Variants in ATP6V1C2 observed in about 807,000 individuals in gnomAD.
The protein encoded by ATP6V1C2 is V-type proton ATPase subunit C 2.
ATP6V1C2 carries 45 observed loss-of-function variants against 56.8 expected under a neutral mutation model. The observed-to-expected ratio is 0.79, with a 90% confidence interval of 0.62 to 1.02. ATP6V1C2 has a LOEUF of 1.02. ATP6V1C2 is among the 50% of genes least tolerant of loss of function. The pLI is 0.00. For missense variants in ATP6V1C2, 463 were observed against 519.7 expected, an observed-to-expected ratio of 0.89 and a Z score of 1.06; for synonymous variants, 220 against 201.3, an observed-to-expected ratio of 1.09 and a Z score of -0.79.
At chr2:10,753,906 C>A in intron 3 of ATP6V1C2, 75 bp from the exon 4 acceptor site, 1 of 1,358,698 alleles carries the variant, frequency 7.4e-7, no homozygotes, top group Non-Finnish European at 1.0e-6. Context: ...AGCTACTTTT[C>A]CTGCCAGCAG....
chr2:10,758,346 CTCTCT>C, intron 4 of ATP6V1C2, among the ~76,000 whole-genome samples: 1 of 152,282 alleles, frequency 6.6e-6, no homozygotes, highest in Non-Finnish European at 1.5e-5. Context: ...CAGCAGTGGC[CTCTCT>C]TCTCAGGAGA....
chr2:10,764,241 C>A, intron 4 of ATP6V1C2, 90 bp from the exon 5 acceptor site: 2 of 1,185,608 alleles, frequency 1.7e-6, no homozygotes, highest in Non-Finnish European at 2.5e-6. Context: ...GCCTTCGTGT[C>A]CACGCTGATG....
chr2:10,766,490 A>G (rs543523397), intron 5 of ATP6V1C2, among the ~76,000 whole-genome samples: 1 of 152,356 alleles, frequency 6.6e-6, no homozygotes, highest in African/African-American at 2.4e-5. Context: ...CCTAGTTCCT[A>G]TCACTGCTTT....
chr2:10,728,185 G>C (rs1332660002), intron 3 of ATP6V1C2, among the ~76,000 whole-genome samples: 1 of 152,074 alleles, frequency 6.6e-6, no homozygotes, highest in Admixed American at 6.6e-5. Context: ...GGGCTCAAGC[G>C]ATCCTCCTAC....
At chr2:10,738,042 G>A (rs1030492121) in intron 3 of ATP6V1C2, among the ~76,000 whole-genome samples, 14 of 152,218 alleles carry the variant, frequency 9.2e-5, no homozygotes, top group African/African-American at 2.6e-4. Flanking sequence ...CCTCTCTAGC[G>A]CTTCTGTGTG....
At chr2:10,782,119 T>C in intron 12 of ATP6V1C2, 124 bp from the exon 13 acceptor site, 1 of 1,203,992 alleles carries the variant, frequency 8.3e-7, no homozygotes, top group East Asian at 2.4e-5. Flanking sequence ...TGCTCGAGTT[T>C]GACTTTATGA....
intron 3 of ATP6V1C2, among the ~76,000 whole-genome samples, chr2:10,740,318 A>C (rs1374298686): frequency 6.6e-6 from 1 of 152,046 alleles, no homozygotes; most frequent in East Asian, 1.9e-4. Context: ...GAGTAAACAT[A>C]TTTTCAAGAG....
chr2:10,771,975 C>T, intron 7 of ATP6V1C2, 38 bp downstream of exon 7: 1 of 1,568,186 alleles, frequency 6.4e-7, no homozygotes, highest in African/African-American at 1.4e-5. Context: ...CCGGCCCTGC[C>T]CAGTGGAGAG....
At chr2:10,751,146 C>T (rs2148453818) in intron 3 of ATP6V1C2, among the ~76,000 whole-genome samples, 1 of 152,258 alleles carries the variant, frequency 6.6e-6, no homozygotes, top group Non-Finnish European at 1.5e-5. Flanking sequence ...CACAGGAACC[C>T]AGGCTGGTGG....
At chr2:10,731,881 G>A (rs1411438146) in intron 3 of ATP6V1C2, among the ~76,000 whole-genome samples, 1 of 152,042 alleles carries the variant, frequency 6.6e-6, no homozygotes, top group Non-Finnish European at 1.5e-5. Flanking sequence ...GTTGAGGAGG[G>A]AGAATTGCTT....
intron 8 of ATP6V1C2, 28 bp from the exon 9 acceptor site, chr2:10,774,760 C>T (rs1664848925): frequency 3.7e-6 from 6 of 1,603,574 alleles, no homozygotes; most frequent in East Asian, 2.2e-5. Context: ...AGCAGTGAGT[C>T]CAGCCAACAG....
intron 7 of ATP6V1C2, 23 bp from the exon 8 acceptor site, chr2:10,772,519 G>T: frequency 1.2e-6 from 2 of 1,607,502 alleles, no homozygotes; most frequent in Non-Finnish European, 1.7e-6. Context: ...AAAAAATCAC[G>T]TAACGATTCT....
intron 3 of ATP6V1C2, among the ~76,000 whole-genome samples, chr2:10,740,462 G>A (rs1338056230): frequency 6.6e-6 from 1 of 152,168 alleles, no homozygotes; most frequent in African/African-American, 2.4e-5. Context: ...ACTCTGCTCC[G>A]AGAGCATGAA....
intron 3 of ATP6V1C2, among the ~76,000 whole-genome samples, chr2:10,743,711 G>A (rs545567518): frequency 8.6e-5 from 13 of 151,738 alleles, no homozygotes; most frequent in African/African-American, 2.7e-4. Context: ...TAGACCGGGC[G>A]AGGTGGCTCA....
At position 10,763,378 on chromosome 2, in the gene ATP6V1C2, G is replaced by T. The variant is rs947541093; in HGVS notation, c.284-953G>T. 6.6e-6 allele frequency among the ~76,000 whole-genome samples: 1 copy of T among 152,122 alleles called. No homozygotes were observed. The highest frequency in any genetic ancestry group is 2.4e-5 in the African/African-American group (1 of 41,424). On this transcript the variant is annotated intron_variant, in intron 4 of 13. Transcript: ENST00000272238. This position sits in a 1 kb window ranked among gnomAD's most constrained non-coding sequence, Gnocchi z 4.2. The stretch of plus-strand genomic sequence containing the variant: ...TTTGTCCTCCCTTAGCACTCTAGGC[G>T]GTTATCACTGGGCCCCCAGCTCTCT...
intron 2 of ATP6V1C2, among the ~76,000 whole-genome samples, chr2:10,725,489 A>ATTTTTTTTTTTTTT: frequency 9.3e-6 from 1 of 107,158 alleles, no homozygotes; most frequent in Non-Finnish European, 1.8e-5. Context: ...CCCAGCAAGA[A>ATTTTTTTTTTTTTT]TTTTTTTTTT....
At chr2:10,765,286 A>G (rs1444912077) in intron 5 of ATP6V1C2, among the ~76,000 whole-genome samples, 1 of 152,138 alleles carries the variant, frequency 6.6e-6, no homozygotes, top group African/African-American at 2.4e-5. Context: ...GAGCTGGGTG[A>G]CTTCTCTGTA....
At chr2:10,728,692 C>A (rs994654435) in intron 3 of ATP6V1C2, among the ~76,000 whole-genome samples, 1 of 151,252 alleles carries the variant, frequency 6.6e-6, no homozygotes, top group East Asian at 1.9e-4. Context: ...GGAAGAATCA[C>A]CTGAGCCTGG....
intron 3 of ATP6V1C2, among the ~76,000 whole-genome samples, chr2:10,746,854 T>C (rs925255147): frequency 2.6e-5 from 4 of 152,260 alleles, no homozygotes; most frequent in Non-Finnish European, 5.9e-5. Context: ...GTTTCTTTTC[T>C]TTTAGGATTC....
Sources: allele counts gnomAD v4.1 joint callset (sites outside exome capture counted in the v4.1 genomes callset), GRCh38; gene constraint gnomAD v4.1.1; non-coding constraint Gnocchi (gnomAD v3.1); transcripts MANE v1.5; gene names NCBI Gene and HGNC (gene_info 2026-07-23, HGNC 2026-07-21).